Variants in PDK2 observed in about 807,000 individuals in gnomAD.
PDK2 encodes pyruvate dehydrogenase kinase 2, also known as pyruvate dehydrogenase kinase, isozyme 2.
PDK2 carries 34 observed loss-of-function variants against 50.4 expected under a neutral mutation model. The observed-to-expected ratio is 0.68, with a 90% CI of 0.51 to 0.90. The LOEUF (loss-of-function observed/expected upper bound fraction) is 0.90, where lower values mean the gene tolerates loss of function less well. Among genes scored for constraint, PDK2 ranks in the 40% least tolerant of loss-of-function variants. The pLI, the probability that PDK2 is intolerant of heterozygous loss-of-function variation, is 0.00. For missense variants in PDK2, 377 were observed against 544.5 expected, an observed-to-expected ratio of 0.69 and a Z score of 3.06; for synonymous variants, 232 against 216.0, an observed-to-expected ratio of 1.07 and a Z score of -0.65.
intron 2 of PDK2, among the ~76,000 whole-genome samples, chr17:50,102,166 G>A (rs1180255871): frequency 2.0e-5 from 3 of 152,172 alleles, no homozygotes; most frequent in Non-Finnish European, 4.4e-5. Context: ...GCCCCTGAGG[G>A]GCTTCAGGGC....
In PDK2 at chr17:50,109,582, T is replaced by C. The variant is rs182755638; in HGVS notation, c.1083+182T>C. 1.4e-3 allele frequency among the ~76,000 whole-genome samples: 213 copies of C among 152,246 alleles called. No individual in the cohort carries two copies. Among genetic ancestry groups the C allele is most frequent in the African/African-American group, 5.0e-3 (208 of 41,546 alleles). Reference sequence around the variant, plus strand: ...GAACCCTCAACCCCCAGACACGCACTGCTTGTCAGGGAATTTAGGGGAGTC... The same window carrying C: ...GAACCCTCAACCCCCAGACACGCACCGCTTGTCAGGGAATTTAGGGGAGTC... On this transcript the variant is annotated intron_variant, in intron 10 of 10. Transcript: ENST00000503176. This position sits in a 1 kb window ranked among gnomAD's most constrained non-coding sequence, Gnocchi z 5.0.
rs957174121 is a variant in PDK2 at position 50,109,536 on chromosome 17, G to A, written c.1083+136G>A. The A allele has an allele frequency of 1.2e-5, 7 of 587,232 alleles. No homozygotes were observed. The East Asian group carries it at 1.8e-4, about 15-fold the overall frequency. 36.4% of individuals were successfully genotyped at this position (587,232 alleles called of 1,614,324 possible). On this transcript the variant is annotated intron_variant, in intron 10 of 10. Coordinates refer to ENST00000503176, the MANE Select transcript of PDK2 (RefSeq NM_002611.5). The surrounding 1 kb of genome is among the most constrained non-coding windows in gnomAD (Gnocchi z 5.0). ...CCCAGACTCTGAGAATCCAAGCAAA[G>A]CTACAGTTCCTCAACCTGAAGAACC...
rs531757037 is a variant in PDK2 at position 50,111,226 on chromosome 17, A to C, written c.*1129A>C. Reference sequence around the variant, plus strand: ...ATCTGTTCAGAACGCCGGATGGCCCAGCACCTGGTGACAGACCTGTTGTCC... The same window carrying C: ...ATCTGTTCAGAACGCCGGATGGCCCCGCACCTGGTGACAGACCTGTTGTCC... On this transcript the variant is annotated 3_prime_UTR_variant, in exon 11 of 11. Transcript: ENST00000503176. The C allele has an allele frequency of 6.6e-5, 10 of 152,438 alleles. No individual in the cohort carries two copies. The highest frequency in any genetic ancestry group is 2.4e-4 in the African/African-American group (10 of 41,596). The allele number at this position is 152,438 out of a possible 1,614,324, so 9.4% of individuals were successfully genotyped here.
intron 1 of PDK2, chr17:50,095,865 A>G: frequency 1.0e-6 from 1 of 958,160 alleles, no homozygotes; most frequent in Non-Finnish European, 1.3e-6. Flanking sequence ...GGTGGTATCC[A>G]GACGCGAAAG....
chr17:50,106,533 T>C (rs1210095071), intron 4 of PDK2: 2 of 543,174 alleles, frequency 3.7e-6, no homozygotes, highest in South Asian at 2.5e-5. Context: ...ATAAATGCAA[T>C]GTGGAGATGT....
At chr17:50,095,725 C>G in intron 1 of PDK2, 172 bp downstream of exon 1, 1 of 1,425,554 alleles carries the variant, frequency 7.0e-7, no homozygotes, top group East Asian at 2.7e-5. Flanking sequence ...GCCGGGGCCT[C>G]TCGACGGGGC....
At chr17:50,108,075 G>A (rs1910609971) in intron 6 of PDK2, 81 bp from the exon 7 acceptor site, 3 of 1,138,288 alleles carry the variant, frequency 2.6e-6, no homozygotes, top group Non-Finnish European at 3.9e-6. Context: ...CTTTGTGGGA[G>A]GGGGTGCCTC....
rs1909921203 is a variant in PDK2, at chr17:50,096,026, C to G, written c.118+473C>G. 4 of 768,796 alleles carry G rather than the reference C, an allele frequency of 5.2e-6. No individual in the cohort carries two copies. In the African/African-American group the frequency reaches 5.7e-5, roughly 11 times the overall value. The allele number at this position is 768,796 out of a possible 1,614,324, so 47.6% of individuals were successfully genotyped here. A position where few individuals can be genotyped will look rare whatever the true frequency, so the allele number is the denominator to read the frequency against. ...TGGACTGGGCATGAAGGGTCAGACA[C>G]CCCTGGGCAGAGGGTGAGATTAAGC... On this transcript the variant is annotated intron_variant, in intron 1 of 10. Transcript: ENST00000503176.
At position 50,109,970 on chromosome 17, in the gene PDK2, A is replaced by G; in HGVS notation, c.1097A>G (p.Asp366Gly). The G allele has an allele frequency of 6.4e-7, 1 of 1,572,590 alleles. No homozygotes were observed. Among genetic ancestry groups the G allele is most frequent in the Non-Finnish European group, 8.6e-7 (1 of 1,158,426 alleles). ...AVIYLKALST[D>G]SVERLPVYNK... Reference sequence around the variant, plus strand: ...GACACTCCCCAGGCCCTGTCCACGGACTCGGTGGAGCGCCTGCCTGTCTAC... The same window carrying G: ...GACACTCCCCAGGCCCTGTCCACGGGCTCGGTGGAGCGCCTGCCTGTCTAC... The change falls in exon 11 of 11, where the codon GAC becomes GGC. Residue 366 changes from aspartate to glycine, a missense_variant. Asp to Gly is a moderately conservative substitution (Grantham distance 94). Coordinates refer to ENST00000503176, the MANE Select transcript of PDK2 (RefSeq NM_002611.5). This position sits in a 1 kb window ranked among gnomAD's most constrained non-coding sequence, Gnocchi z 5.0.
chr17:50,102,337 G>T (rs552994245), intron 2 of PDK2, among the ~76,000 whole-genome samples: 1 of 152,194 alleles, frequency 6.6e-6, no homozygotes, highest in Admixed American at 6.5e-5. Flanking sequence ...CAGTGGCCAC[G>T]TGACCAGGCC....
Position 50,110,958 on chromosome 17 carries a change from C to T in PDK2, c.*861C>T, listed in dbSNP as rs184466614. ...GTTTTATAACCCTGAATGCCCCCAC[C>T]CTTCCCCTAAGCACACAGGGGTTAA... On this transcript the variant is annotated 3_prime_UTR_variant, in exon 11 of 11. Coordinates refer to ENST00000503176, the MANE Select transcript of PDK2 (RefSeq NM_002611.5). 80 of 152,380 alleles carry T rather than the reference C, an allele frequency of 5.3e-4. No individual in the cohort carries two copies. The highest frequency in any genetic ancestry group is 1.9e-3 in the African/African-American group (78 of 41,556). 9.4% of individuals were successfully genotyped at this position (152,380 alleles called of 1,614,324 possible). A position where few individuals can be genotyped will look rare whatever the true frequency, so the allele number is the denominator to read the frequency against.
At chr17:50,105,670 C>T (rs892549838) in intron 3 of PDK2, among the ~76,000 whole-genome samples, 1 of 152,164 alleles carries the variant, frequency 6.6e-6, no homozygotes, top group Non-Finnish European at 1.5e-5. Flanking sequence ...AGACCCAGGC[C>T]CTGCCATGGG....
intron 4 of PDK2, 66 bp from the exon 5 acceptor site, chr17:50,106,728 G>A (rs540317495): frequency 6.7e-6 from 9 of 1,340,742 alleles, no homozygotes; most frequent in South Asian, 2.3e-5. Context: ...AGGAAAGCCC[G>A]GGGGAAGAGG....
chr17:50,100,660 A>T (rs1910178001), intron 2 of PDK2: 1 of 152,246 alleles, frequency 6.6e-6, no homozygotes, highest in African/African-American at 2.4e-5. Context: ...GCTGTGTCCC[A>T]GGAGCTGTCC....
chr17:50,105,217 A>T, intron 2 of PDK2, 154 bp from the exon 3 acceptor site: 1 of 508,602 alleles, frequency 2.0e-6, no homozygotes, highest in Non-Finnish European at 3.5e-6. Flanking sequence ...CATACAAATG[A>T]AATGGATGGA....
Position 50,095,991 on chromosome 17 carries a change from TAG to T in PDK2, c.118+444_118+445del, listed in dbSNP as rs752326434. ...CAGGGTTTAGAGGTGCAGCCATCTG[TAG>T]AGAGACCTGGACTGGGCATGAAGGG... On this transcript the variant is annotated intron_variant, in intron 1 of 10. Coordinates refer to ENST00000503176, the MANE Select transcript of PDK2 (RefSeq NM_002611.5). 11 of 528,040 alleles carry T rather than the reference TAG, an allele frequency of 2.1e-5. No homozygotes were observed. The Admixed American group carries it at 6.7e-4, about 32-fold the overall frequency. 32.7% of individuals were successfully genotyped at this position (528,040 alleles called of 1,614,324 possible). A position where few individuals can be genotyped will look rare whatever the true frequency, so the allele number is the denominator to read the frequency against.
intron 2 of PDK2, among the ~76,000 whole-genome samples, chr17:50,100,032 G>A (rs1412019829): frequency 6.6e-6 from 1 of 152,194 alleles, no homozygotes; most frequent in Non-Finnish European, 1.5e-5. Flanking sequence ...CTGGAATGAT[G>A]GAGATGGGCA....
At chr17:50,108,773 C>CCTA (rs397788041) in intron 9 of PDK2, 54 bp downstream of exon 9, 3 of 1,086,406 alleles carry the variant, frequency 2.8e-6, no homozygotes, top group Non-Finnish European at 4.1e-6. Flanking sequence ...CTTCTCTCCT[C>CCTA]ACTCACTTCC....
At position 50,106,083 on chromosome 17, in the gene PDK2, ACAG is replaced by A; in HGVS notation, c.517+16_517+18del. Reference sequence around the variant, plus strand: ...TCAACCAGCACAGTGGGTGCCGGCCACAGCGGCGGGGAGCGGGCGGTGGGGGGG... The same window carrying A: ...TCAACCAGCACAGTGGGTGCCGGCCACGGCGGGGAGCGGGCGGTGGGGGGG... On this transcript the variant is annotated intron_variant, in intron 4 of 10. Transcript: ENST00000503176. 1 of 1,588,708 alleles carries A rather than the reference ACAG, an allele frequency of 6.3e-7. No individual in the cohort carries two copies. Among genetic ancestry groups the A allele is most frequent in the African/African-American group, 1.3e-5 (1 of 74,740 alleles).
Sources: allele counts gnomAD v4.1 joint callset (sites outside exome capture counted in the v4.1 genomes callset), GRCh38; gene constraint gnomAD v4.1.1; non-coding constraint Gnocchi (gnomAD v3.1); transcripts MANE v1.5; gene names NCBI Gene and HGNC (gene_info 2026-07-23, HGNC 2026-07-21).